Variants in NFATC1 observed in about 807,000 individuals in gnomAD.
NFATC1 encodes the protein nuclear factor of activated T cells 1.
Under a neutral mutation model 76.0 loss-of-function variants are expected in NFATC1, and 22 were observed. The observed-to-expected ratio is 0.29, with a 90% CI of 0.21 to 0.41. The LOEUF is 0.41. Among genes scored for constraint, NFATC1 ranks in the 10% least tolerant of loss-of-function variants. The pLI is 1.00. For missense variants in NFATC1, 1,357 were observed against 1,337.7 expected (o/e 1.01, Z -0.23); for synonymous variants, 704 against 613.1 (o/e 1.15, Z -2.19).
At chr18:79,461,226 C>T (rs901092308) in intron 6 of NFATC1, 85 bp from the exon 7 acceptor site, 2 of 1,522,564 alleles carry the variant, frequency 1.3e-6, no homozygotes, top group Middle Eastern at 1.7e-4. Flanking sequence ...GGCTCAGGGC[C>T]CTGGGTCTGG....
intron 2 of NFATC1, among the ~76,000 whole-genome samples, chr18:79,420,606 A>T (rs944371935): frequency 6.6e-6 from 1 of 150,564 alleles, no homozygotes; most frequent in Non-Finnish European, 1.5e-5. Context: ...TTTCCGGGAG[A>T]CGTCGCTGCA....
At chr18:79,504,649 A>G (rs1660148) in intron 9 of NFATC1, among the ~76,000 whole-genome samples, 110,675 of 152,138 alleles carry the variant, frequency 0.73, 40,873 homozygotes, top group Non-Finnish European at 0.79. Flanking sequence ...GCCCACAGAC[A>G]TGCCTGGTGC....
rs566877894 is a variant in NFATC1, at chr18:79,428,327, C to T, written c.1227-5252C>T. On this transcript the variant is annotated intron_variant, in intron 2 of 9. Coordinates refer to ENST00000427363, the MANE Select transcript of NFATC1 (RefSeq NM_001278669.2). ...TTCAGTCTTGCACTGGTGTTTTTAA[C>T]TATCGTGTAAAGATGCAAACAGCAG... Among the ~76,000 whole-genome samples the T allele has an allele frequency of 1.2e-4, 19 of 152,314 alleles. No homozygotes were observed. In the East Asian group the frequency reaches 2.9e-3, roughly 23 times the overall value.
intron 8 of NFATC1, chr18:79,467,860 G>C: frequency 1.7e-6 from 2 of 1,187,814 alleles, no homozygotes; most frequent in East Asian, 1.1e-4. Context: ...AACAGCCAAG[G>C]GGAAAACATG....
chr18:79,509,744 C>A (rs1045747583), intron 9 of NFATC1, among the ~76,000 whole-genome samples: 5 of 152,264 alleles, frequency 3.3e-5, no homozygotes, highest in Non-Finnish European at 2.9e-5. Flanking sequence ...GCTGTGACAA[C>A]TGTCAGCTCA....
At chr18:79,436,458 C>T (rs866293968) in intron 3 of NFATC1, among the ~76,000 whole-genome samples, 12 of 151,138 alleles carry the variant, frequency 7.9e-5, no homozygotes, top group East Asian at 2.0e-4. Flanking sequence ...GGCGGGGGGC[C>T]GGGGGATGTG....
At chr18:79,420,488 G>A (rs1358693651) in intron 2 of NFATC1, among the ~76,000 whole-genome samples, 1 of 150,786 alleles carries the variant, frequency 6.6e-6, no homozygotes, top group Non-Finnish European at 1.5e-5. Flanking sequence ...AGGTGACTTC[G>A]CTGCAGAGAG....
chr18:79,447,973 G>A (rs370285077), intron 3 of NFATC1, among the ~76,000 whole-genome samples: 8 of 152,214 alleles, frequency 5.3e-5, no homozygotes, highest in South Asian at 2.1e-4. Flanking sequence ...GTGCCCTGCC[G>A]TGAGGCGCAC....
chr18:79,493,987 C>G (rs1030730347), intron 9 of NFATC1, among the ~76,000 whole-genome samples: 3 of 152,056 alleles, frequency 2.0e-5, no homozygotes, highest in Admixed American at 2.0e-4. Context: ...GCCAAGAGCC[C>G]GTCCAGCCCC....
chr18:79,430,936 G>C lies in NFATC1; in HGVS notation c.1227-2643G>C, dbSNP rs542168865. 1.5e-3 allele frequency among the ~76,000 whole-genome samples: 221 copies of C among 152,344 alleles called. 1 individual carries two copies. Among genetic ancestry groups the C allele is most frequent in the African/African-American group, 5.0e-3 (209 of 41,590 alleles). On this transcript the variant is annotated intron_variant, in intron 2 of 9. Transcript: ENST00000427363. ...TTCTCTGGAGGCTCTTGTCCTTCCT[G>C]TGTGGAGGCCTGGGTCCAGCCGCCT...
Position 79,411,427 on chromosome 18 carries a change from C to T in NFATC1, c.1152C>T (p.Asp384=), listed in dbSNP as rs1276623837. ...FQHIRKGGFC[D]QYLAVPQHPY... is the part of the protein sequence containing the mutation. ...ACATCAGGAAGGGCGGCTTCTGCGA[C>T]CAGTACCTGGCGGTGCCGCAGCACC... Residue 384 remains aspartate (D), a synonymous_variant, in exon 2 of 10, where the codon GAC becomes GAT. Coordinates refer to ENST00000427363, the MANE Select transcript of NFATC1 (RefSeq NM_001278669.2). 2.6e-6 allele frequency: 4 copies of T among 1,548,208 alleles called. No individual in the cohort carries two copies. The highest frequency in any genetic ancestry group is 2.2e-5 in the East Asian group (1 of 44,456).
At chr18:79,526,384 C>CA (rs529472204) in intron 9 of NFATC1, among the ~76,000 whole-genome samples, 138 of 152,244 alleles carry the variant, frequency 9.1e-4, no homozygotes, top group Non-Finnish European at 1.5e-3. Context: ...GGCCCAGGAT[C>CA]AGCGTGGCTC....
chr18:79,424,043 TGG>T (rs1365990912), intron 2 of NFATC1, among the ~76,000 whole-genome samples: 2 of 152,198 alleles, frequency 1.3e-5, no homozygotes, highest in African/African-American at 4.8e-5. Context: ...CCCGGCCTGC[TGG>T]GCAGGATTTT....
chr18:79,491,772 G>T (rs1282131047), intron 9 of NFATC1, among the ~76,000 whole-genome samples: 1 of 152,214 alleles, frequency 6.6e-6, no homozygotes, highest in African/African-American at 2.4e-5. Flanking sequence ...GCAGAGCTGC[G>T]TGCGGGGAGA....
chr18:79,406,529 C>G (rs890160922), intron 1 of NFATC1, among the ~76,000 whole-genome samples: 1 of 152,206 alleles, frequency 6.6e-6, no homozygotes, highest in Non-Finnish European at 1.5e-5. Flanking sequence ...GAAGCTGGTT[C>G]CTAACATAAT....
chr18:79,398,354 C>T (rs11660685), intron 1 of NFATC1, among the ~76,000 whole-genome samples: 12,869 of 152,284 alleles, frequency 0.085, 612 homozygotes, highest in Middle Eastern at 0.21. Flanking sequence ...AATGGCAGGG[C>T]GCTGGCACCC....
chr18:79,481,613 G>A (rs147984188), intron 8 of NFATC1, among the ~76,000 whole-genome samples: 3 of 152,356 alleles, frequency 2.0e-5, no homozygotes, highest in East Asian at 1.9e-4. Context: ...CCGCCTCGGC[G>A]CTGCCAAGGC....
intron 6 of NFATC1, among the ~76,000 whole-genome samples, chr18:79,458,291 G>A (rs947724957): frequency 1.7e-4 from 26 of 151,978 alleles, no homozygotes; most frequent in South Asian, 6.3e-4. Flanking sequence ...TGGGGTGCAC[G>A]GCACGAGGAC....
At chr18:79,430,372 G>A (rs114213827) in intron 2 of NFATC1, among the ~76,000 whole-genome samples, 3,474 of 152,136 alleles carry the variant, frequency 0.023, 133 homozygotes, top group African/African-American at 0.076. Context: ...TTTTTTCACT[G>A]TGAATTTTGT....
Sources: gnomAD v4.1 joint callset for allele counts (sites outside exome capture counted in the v4.1 genomes callset) on GRCh38, gnomAD v4.1.1 for gene constraint, MANE v1.5 for transcripts, NCBI Gene and HGNC (gene_info 2026-07-23, HGNC 2026-07-21) for gene names.